Variants in HECTD2 observed in about 807,000 individuals in gnomAD.
HECTD2 encodes HECT domain E3 ubiquitin protein ligase 2, also known as probable E3 ubiquitin-protein ligase HECTD2.
Under a neutral mutation model 103.2 loss-of-function variants are expected in HECTD2, and 35 were observed. The ratio of observed to expected loss-of-function variants is 0.34; its 90% CI spans 0.26 to 0.45. The LOEUF is 0.45. HECTD2 is among the 20% of genes least tolerant of loss of function. The probability of loss-of-function intolerance (pLI) is 1.00; values close to 1 mark genes in which losing one functional copy is unlikely to be tolerated. For synonymous variants in HECTD2, 281 were observed against 329.9 expected, an observed-to-expected ratio of 0.85 and a Z score of 1.61; for missense variants, 596 against 937.4, an observed-to-expected ratio of 0.64 and a Z score of 4.76.
intron 20 of HECTD2, among the ~76,000 whole-genome samples, chr10:91,502,673 A>C (rs1451542886): frequency 6.6e-6 from 1 of 152,146 alleles, no homozygotes; most frequent in African/African-American, 2.4e-5. Flanking sequence ...AAAATTCAAG[A>C]GGATTTTTTT....
chr10:91,486,631 T>C (rs552105763), intron 10 of HECTD2: 16 of 152,180 alleles, frequency 1.1e-4, no homozygotes, highest in South Asian at 6.2e-4. Context: ...TCACAAAGTA[T>C]CATTTCTCTT....
intron 5 of HECTD2, chr10:91,462,857 T>C (rs1845403569): frequency 2.9e-6 from 2 of 693,350 alleles, no homozygotes; most frequent in African/African-American, 3.9e-5. Context: ...AAGCATACTG[T>C]ATCCTTTTAG....
In HECTD2 at chr10:91,493,410, G is replaced by A; in HGVS notation, c.1433-10G>A. ...ATGTTAATAATAACATTATTCGTGT[G>A]TTTTTTTAGGCATGTTTACATATCA... On this transcript the variant is annotated splice_polypyrimidine_tract_variant and intron_variant, in intron 13 of 20. Transcript: ENST00000298068. 1 of 1,455,268 alleles carries A rather than the reference G, an allele frequency of 6.9e-7. No homozygotes were observed. Among genetic ancestry groups the A allele is most frequent in the Non-Finnish European group, 9.2e-7 (1 of 1,086,586 alleles). The allele number at this position is 1,455,268 out of a possible 1,614,324, so 90.1% of individuals were successfully genotyped here. A position where few individuals can be genotyped will look rare whatever the true frequency, so the allele number is the denominator to read the frequency against.
chr10:91,501,326 T>C lies in HECTD2; in HGVS notation c.2202T>C (p.Ser734=). The change falls in exon 20 of 21, where the codon TCT becomes TCC. Residue 734 remains serine, a synonymous_variant. Coordinates refer to ENST00000298068, the MANE Select transcript of HECTD2 (RefSeq NM_182765.6). ...LNFKISKNET[S]TNCLPVAHTC... ...TTAAAATCTCAAAGAATGAAACTTC[T>C]ACTAACTGGTAAATTTCTGGATCTA... 1.9e-6 allele frequency: 3 copies of C among 1,584,640 alleles called. No homozygotes were observed. Among genetic ancestry groups the C allele is most frequent in the Non-Finnish European group, 1.7e-6 (2 of 1,165,174 alleles).
intron 2 of HECTD2, among the ~76,000 whole-genome samples, chr10:91,446,121 A>G (rs375885053): frequency 0.11 from 16,275 of 149,376 alleles, 327 homozygotes; most frequent in African/African-American, 0.18. Context: ...CACATACAGG[A>G]GAGCTCCAGC....
rs1286603551 is a variant in HECTD2 at position 91,487,417 on chromosome 10, A to G, written c.1095-265A>G. 9.4e-6 allele frequency: 4 copies of G among 423,886 alleles called. No homozygotes were observed. Among genetic ancestry groups the G allele is most frequent in the Non-Finnish European group, 4.4e-6 (1 of 227,110 alleles). 26.3% of individuals were successfully genotyped at this position (423,886 alleles called of 1,614,324 possible). On this transcript the variant is annotated intron_variant, in intron 10 of 20. Transcript: ENST00000298068. This position sits in a 1 kb window ranked among gnomAD's most constrained non-coding sequence, Gnocchi z 4.1. Reference sequence around the variant, plus strand: ...TGATATACAATGAAATTATTTGTATAGACAATGTAAGTGGTTAGCACACAT... The same window carrying G: ...TGATATACAATGAAATTATTTGTATGGACAATGTAAGTGGTTAGCACACAT...
At chr10:91,454,030 G>T (rs976309855) in intron 2 of HECTD2, among the ~76,000 whole-genome samples, 5 of 151,980 alleles carry the variant, frequency 3.3e-5, no homozygotes, top group African/African-American at 1.2e-4. Context: ...TGTAAAAACT[G>T]CAGGAGAAAA....
intron 2 of HECTD2, among the ~76,000 whole-genome samples, chr10:91,449,410 T>G (rs1260005601): frequency 6.6e-6 from 1 of 152,120 alleles, no homozygotes; most frequent in Non-Finnish European, 1.5e-5. Context: ...TAATAAGAAC[T>G]ATTTATGACA....
chr10:91,480,053 G>A (rs899744108), intron 6 of HECTD2, among the ~76,000 whole-genome samples: 18 of 151,678 alleles, frequency 1.2e-4, no homozygotes, highest in Admixed American at 3.3e-4. Flanking sequence ...TATATCTCAC[G>A]TTTCAGAAAA....
intron 2 of HECTD2, among the ~76,000 whole-genome samples, chr10:91,430,899 T>C (rs997386421): frequency 5.9e-5 from 9 of 151,664 alleles, no homozygotes; most frequent in Non-Finnish European, 8.8e-5. Context: ...AATATCATTA[T>C]GTGTGAATTT....
At chr10:91,491,331 T>C (rs762737264) in intron 12 of HECTD2, 24 bp downstream of exon 12, 3 of 1,072,622 alleles carry the variant, frequency 2.8e-6, no homozygotes, top group East Asian at 2.6e-5. Context: ...CAAAATGATA[T>C]TAATTAAAGC....
At chr10:91,472,947 CAG>C (rs1362277856) in intron 5 of HECTD2, among the ~76,000 whole-genome samples, 2 of 151,878 alleles carry the variant, frequency 1.3e-5, no homozygotes, top group African/African-American at 2.4e-5. Flanking sequence ...GAGTAGAACT[CAG>C]GGAAAAAGAG....
chr10:91,458,823 A>G lies in HECTD2; in HGVS notation c.269-1604A>G, dbSNP rs1845222961. Among the ~76,000 whole-genome samples the G allele has an allele frequency of 3.3e-5, 5 of 152,150 alleles. No homozygotes were observed. The South Asian group carries it at 1.0e-3, about 31-fold the overall frequency. ...GATCTTTGGGCTCTAGAACTAGAAA[A>G]TAGTTCTTAGACTTGACACCAAAAG... On this transcript the variant is annotated intron_variant, in intron 2 of 20. Transcript: ENST00000298068.
At chr10:91,483,836 A>G (rs529746021) in intron 8 of HECTD2, among the ~76,000 whole-genome samples, 111 of 152,040 alleles carry the variant, frequency 7.3e-4, no homozygotes, top group African/African-American at 2.6e-3. Flanking sequence ...AATAGAAGTC[A>G]TTGATTCATT....
intron 12 of HECTD2, 50 bp from the exon 13 acceptor site, chr10:91,492,302 C>A (rs747654114): frequency 9.7e-6 from 15 of 1,548,110 alleles, no homozygotes; most frequent in Non-Finnish European, 1.3e-5. Flanking sequence ...AATGTTAATT[C>A]TCTTTTCACT....
intron 20 of HECTD2, among the ~76,000 whole-genome samples, chr10:91,509,234 C>G (rs998537098): frequency 2.6e-5 from 4 of 151,344 alleles, no homozygotes; most frequent in African/African-American, 7.3e-5. Flanking sequence ...TGTAACTAAC[C>G]TGCACAATGT....
intron 5 of HECTD2, among the ~76,000 whole-genome samples, chr10:91,473,571 C>T (rs186296543): frequency 3.3e-4 from 50 of 152,278 alleles, no homozygotes; most frequent in African/African-American, 1.2e-3. Context: ...TTCACTCACA[C>T]ACAGATTTTA....
At chr10:91,453,112 T>C (rs1458778044) in intron 2 of HECTD2, among the ~76,000 whole-genome samples, 5 of 152,114 alleles carry the variant, frequency 3.3e-5, no homozygotes, top group Admixed American at 6.6e-5. Flanking sequence ...ACCAGCGTGG[T>C]TCTAAATGTA....
chr10:91,443,965 C>T (rs950856810), intron 2 of HECTD2, among the ~76,000 whole-genome samples: 1 of 152,112 alleles, frequency 6.6e-6, no homozygotes. Flanking sequence ...CCACAAATGG[C>T]TTCTTATAGA....
Sources: allele counts gnomAD v4.1 joint callset (sites outside exome capture counted in the v4.1 genomes callset), GRCh38; gene constraint gnomAD v4.1.1; non-coding constraint Gnocchi (gnomAD v3.1); transcripts MANE v1.5; gene names NCBI Gene and HGNC (gene_info 2026-07-23, HGNC 2026-07-21).